Variants in OR7E24 observed in about 807,000 individuals in gnomAD.
OR7E24 encodes the protein olfactory receptor 7E24.
For missense variants in OR7E24, 385 were observed against 410.3 expected (o/e 0.94, Z 0.53); for synonymous variants, 130 against 157.5 (o/e 0.83, Z 1.31).
the OR7E24 span, among the ~76,000 whole-genome samples, chr19:9,226,952 T>C: frequency 2.0e-5 from 3 of 152,156 alleles, no homozygotes; most frequent in African/African-American, 4.8e-5. Flanking sequence ...ATAGGTAAAC[T>C]GGGTCATAGG....
At chr19:9,223,524 G>A in the OR7E24 span, among the ~76,000 whole-genome samples, 2 of 152,110 alleles carry the variant, frequency 1.3e-5, no homozygotes, top group Non-Finnish European at 2.9e-5. Context: ...ATGACCAGGT[G>A]GTCCCACCAC....
Position 9,251,722 on chromosome 19 carries a change from C to G in OR7E24, c.679C>G (p.Leu227Val). 6.2e-7 allele frequency: 1 copy of G among 1,613,284 alleles called. No homozygotes were observed. Among genetic ancestry groups the G allele is most frequent in the Non-Finnish European group, 8.5e-7 (1 of 1,179,550 alleles). ...TTTCATGGGTGCCATATTTGGCTGT[C>G]TCCCTATCTCAGGGATCCTTTTCTC... ...IYFMGAIFGC[L>V]PISGILFSYY... The change falls in exon 1 of 1, where the codon CTC becomes GTC. Residue 227 changes from leucine to valine, a missense_variant. Coordinates refer to ENST00000456448, the MANE Select transcript of OR7E24 (RefSeq NM_001079935.2).
At chr19:9,247,465 A>G, upstream of OR7E24, 1 of 398,632 alleles carries the variant, frequency 2.5e-6, no homozygotes, top group Non-Finnish European at 4.4e-6. Context: ...CACAGGGAGG[A>G]CAGCGGACCT....
the OR7E24 span, among the ~76,000 whole-genome samples, chr19:9,234,759 A>G: frequency 1.3e-5 from 2 of 152,198 alleles, no homozygotes. Flanking sequence ...CACCTGTGTC[A>G]GGTCACAGAA....
chr19:9,214,413 C>T, the OR7E24 span: 1 of 1,614,104 alleles, frequency 6.2e-7, no homozygotes, highest in Non-Finnish European at 8.5e-7. Flanking sequence ...AACCAGGAGG[C>T]CACAGAGGCA....
the OR7E24 span, among the ~76,000 whole-genome samples, chr19:9,241,016 C>T: frequency 6.6e-6 from 1 of 152,090 alleles, no homozygotes; most frequent in African/African-American, 2.4e-5. Context: ...TGGGGTTTCA[C>T]ATGTTAGTCA....
chr19:9,230,851 T>C, the OR7E24 span, among the ~76,000 whole-genome samples: 198 of 152,278 alleles, frequency 1.3e-3, no homozygotes, highest in African/African-American at 4.7e-3. Flanking sequence ...TCTCAGACGA[T>C]TGATGCTGAG....
the OR7E24 span, among the ~76,000 whole-genome samples, chr19:9,240,516 T>C: frequency 6.6e-6 from 1 of 152,178 alleles, no homozygotes; most frequent in Non-Finnish European, 1.5e-5. Context: ...GGCATCTTTG[T>C]CAAAAAATGA....
At chr19:9,214,394 AG>A in the OR7E24 span, 1 of 1,614,178 alleles carries the variant, frequency 6.2e-7, no homozygotes, top group Non-Finnish European at 8.5e-7. Flanking sequence ...TGATGAACCA[AG>A]ATGCCAGAAC....
chr19:9,228,098 T>C, the OR7E24 span, among the ~76,000 whole-genome samples: 1 of 152,222 alleles, frequency 6.6e-6, no homozygotes, highest in Non-Finnish European at 1.5e-5. Flanking sequence ...CATCACACTG[T>C]CTTCCATAAC....
At chr19:9,230,005 C>G in the OR7E24 span, among the ~76,000 whole-genome samples, 1 of 151,468 alleles carries the variant, frequency 6.6e-6, no homozygotes, top group East Asian at 1.9e-4. Context: ...TAAGCCTAGA[C>G]AGTCCCATAT....
the OR7E24 span, among the ~76,000 whole-genome samples, chr19:9,239,709 T>TTTC: frequency 1.6e-5 from 2 of 125,652 alleles, no homozygotes; most frequent in African/African-American, 7.6e-5. Flanking sequence ...TTCTTTTTCT[T>TTTC]TTTTTTTTTT....
chr19:9,218,430 A>C, the OR7E24 span, among the ~76,000 whole-genome samples: 3 of 152,210 alleles, frequency 2.0e-5, no homozygotes, highest in Non-Finnish European at 4.4e-5. Flanking sequence ...AATGCATTTG[A>C]AAAAGATTAT....
chr19:9,211,352 A>G, the OR7E24 span: 1 of 152,388 alleles, frequency 6.6e-6, no homozygotes, highest in African/African-American at 2.4e-5. Flanking sequence ...CTTAAGCAAT[A>G]TATAAAGTTA....
chr19:9,224,135 C>T, the OR7E24 span, among the ~76,000 whole-genome samples: 1 of 151,866 alleles, frequency 6.6e-6, no homozygotes, highest in Non-Finnish European at 1.5e-5. Flanking sequence ...CAGGTGTGAG[C>T]CACTGCACCC....
At chr19:9,243,981 G>T (rs1186103885), upstream of OR7E24, among the ~76,000 whole-genome samples, 1 of 152,134 alleles carries the variant, frequency 6.6e-6, no homozygotes, top group African/African-American at 2.4e-5. Flanking sequence ...TCTGGAAAAG[G>T]CCCCACAGCC....
chr19:9,224,085 C>T, the OR7E24 span, among the ~76,000 whole-genome samples: 4 of 151,924 alleles, frequency 2.6e-5, no homozygotes, highest in Admixed American at 6.6e-5. Flanking sequence ...CTCCTGACCT[C>T]GTGATCCACC....
At chr19:9,240,646 G>A in the OR7E24 span, among the ~76,000 whole-genome samples, 1 of 152,060 alleles carries the variant, frequency 6.6e-6, no homozygotes, top group Non-Finnish European at 1.5e-5. Flanking sequence ...ATAGAGAAAA[G>A]TTTTAAAATT....
chr19:9,214,089 A>G, the OR7E24 span: 1 of 1,614,224 alleles, frequency 6.2e-7, no homozygotes, highest in Non-Finnish European at 8.5e-7. Context: ...TCCATAGAAC[A>G]AGGAGACCAC....
Sources: gnomAD v4.1 joint callset for allele counts (sites outside exome capture counted in the v4.1 genomes callset) on GRCh38, gnomAD v4.1.1 for gene constraint, MANE v1.5 for transcripts, NCBI Gene and HGNC (gene_info 2026-07-23, HGNC 2026-07-21) for gene names.